The following PHIP variants were observed in gnomAD, a reference collection of about 807,000 sequenced individuals.
The protein encoded by PHIP is PH-interacting protein.
In PHIP, 54 loss-of-function variants were observed where a neutral mutation model predicts 236.8. The ratio of observed to expected loss-of-function variants is 0.23; its 90% CI spans 0.18 to 0.29. PHIP has a LOEUF of 0.29. PHIP is among the 10% of genes least tolerant of loss of function. The pLI is 1.00. For missense variants in PHIP, 1,370 were observed against 2,190.8 expected (o/e 0.63, Z 7.48); for synonymous variants, 756 against 718.9 (o/e 1.05, Z -0.83).
intron 4 of PHIP, among the ~76,000 whole-genome samples, chr6:79,072,500 G>C (rs1302712536): frequency 6.7e-6 from 1 of 148,862 alleles, no homozygotes; most frequent in Non-Finnish European, 1.5e-5. Context: ...TTCTTTTCTT[G>C]AGACAGGGTA....
At chr6:79,000,823 A>G (rs946290623) in intron 17 of PHIP, among the ~76,000 whole-genome samples, 5 of 152,072 alleles carry the variant, frequency 3.3e-5, no homozygotes. Context: ...CAAACTCCAG[A>G]TAAGTCCACT....
At chr6:78,955,140 C>A (rs774347045) in intron 34 of PHIP, 92 bp downstream of exon 34, 2 of 947,896 alleles carry the variant, frequency 2.1e-6, no homozygotes. Flanking sequence ...TACTTAATGT[C>A]TTTTAAAATG....
At chr6:79,055,173 G>C (rs149052410) in intron 6 of PHIP, among the ~76,000 whole-genome samples, 11 of 152,092 alleles carry the variant, frequency 7.2e-5, no homozygotes, top group African/African-American at 1.7e-4. Context: ...GATGACAAAT[G>C]AAAGACCTAG....
rs2127676261 is a variant in PHIP at position 78,939,791 on chromosome 6, A to G, written c.*902T>C. On this transcript the variant is annotated 3_prime_UTR_variant, in exon 40 of 40. Coordinates refer to ENST00000275034, the MANE Select transcript of PHIP (RefSeq NM_017934.7). ...TAACCACTTAAACATTTCCTCTAGA[A>G]CATCTCTGTCAAAGGACCCACCAGT... The G allele has an allele frequency of 6.6e-6, 1 of 152,444 alleles. No homozygotes were observed. Among genetic ancestry groups the G allele is most frequent in the Admixed American group, 6.5e-5 (1 of 15,274 alleles). The allele number at this position is 152,444 out of a possible 1,614,324, so 9.4% of individuals were successfully genotyped here. A position where few individuals can be genotyped will look rare whatever the true frequency, so the allele number is the denominator to read the frequency against.
At chr6:79,025,498 T>C (rs532068868) in intron 9 of PHIP, 21 bp downstream of exon 9, 2 of 1,404,322 alleles carry the variant, frequency 1.4e-6, no homozygotes, top group East Asian at 2.3e-5. Context: ...ATTTAATCTA[T>C]GAAATAAAAT....
At chr6:79,013,112 CA>C (rs148973076) in intron 15 of PHIP, among the ~76,000 whole-genome samples, 1,811 of 151,774 alleles carry the variant, frequency 0.012, 40 homozygotes, top group African/African-American at 0.042. Flanking sequence ...TAAATTGGGG[CA>C]AAGCACTTTA....
intron 6 of PHIP, among the ~76,000 whole-genome samples, chr6:79,049,763 T>C (rs1050746360): frequency 7.2e-5 from 11 of 152,162 alleles, no homozygotes; most frequent in African/African-American, 2.4e-4. Context: ...TGACTAGACA[T>C]CAGAGAGTAA....
At position 78,984,580 on chromosome 6, in the gene PHIP, G is replaced by A. The variant is rs185077311; in HGVS notation, c.2537+772C>T. 3.1e-3 allele frequency among the ~76,000 whole-genome samples: 473 copies of A among 152,250 alleles called. 2 individuals carry two copies. The highest frequency in any genetic ancestry group is 0.011 in the African/African-American group (439 of 41,546). On this transcript the variant is annotated intron_variant, in intron 22 of 39. Coordinates refer to ENST00000275034, the MANE Select transcript of PHIP (RefSeq NM_017934.7). ...TCAGGGTTTGAAATACTCTGATTCT[G>A]CTGTCGAGCCAAAAGAAATTCAATT...
intron 29 of PHIP, among the ~76,000 whole-genome samples, 182 bp downstream of exon 29, chr6:78,965,521 T>C (rs918972725): frequency 6.6e-6 from 1 of 152,228 alleles, no homozygotes; most frequent in Non-Finnish European, 1.5e-5. Flanking sequence ...GCAAGAGTTA[T>C]ATCTATCTTC....
intron 9 of PHIP, among the ~76,000 whole-genome samples, chr6:79,020,270 G>A (rs371447061): frequency 6.2e-4 from 95 of 152,080 alleles, no homozygotes; most frequent in Middle Eastern, 3.4e-3. Context: ...CTTTTTTACT[G>A]ATACAGAATG....
At chr6:79,068,766 G>A (rs1204118032) in intron 4 of PHIP, among the ~76,000 whole-genome samples, 1 of 152,154 alleles carries the variant, frequency 6.6e-6, no homozygotes, top group Non-Finnish European at 1.5e-5. Context: ...AAAAAAATTT[G>A]AGCATGTTTT....
At chr6:79,069,723 G>T (rs2127779155) in intron 4 of PHIP, among the ~76,000 whole-genome samples, 1 of 152,020 alleles carries the variant, frequency 6.6e-6, no homozygotes, top group Middle Eastern at 3.4e-3. Flanking sequence ...TCTAACCTGG[G>T]TAACTATTCT....
intron 27 of PHIP, among the ~76,000 whole-genome samples, chr6:78,967,954 G>A (rs1011931723): frequency 6.6e-6 from 1 of 151,886 alleles, no homozygotes; most frequent in Non-Finnish European, 1.5e-5. Flanking sequence ...CTAACGCGGT[G>A]AAACCCTGTC....
chr6:78,996,471 G>C (rs1435679276), intron 19 of PHIP, among the ~76,000 whole-genome samples: 1 of 151,900 alleles, frequency 6.6e-6, no homozygotes, highest in Non-Finnish European at 1.5e-5. Flanking sequence ...AATTGGTGTT[G>C]AAAAAATGGG....
chr6:78,996,133 G>C (rs1000359405), intron 19 of PHIP, among the ~76,000 whole-genome samples: 1 of 152,134 alleles, frequency 6.6e-6, no homozygotes, highest in Non-Finnish European at 1.5e-5. Context: ...CTCTCCAGAG[G>C]AGGAGTAAAT....
At chr6:78,977,499 C>T (rs1158101353) in intron 24 of PHIP, among the ~76,000 whole-genome samples, 2 of 152,112 alleles carry the variant, frequency 1.3e-5, no homozygotes, top group Non-Finnish European at 2.9e-5. Context: ...ACAATGTACA[C>T]ATGTACCCTA....
At chr6:78,978,934 G>C (rs1014341533) in intron 23 of PHIP, among the ~76,000 whole-genome samples, 1 of 152,024 alleles carries the variant, frequency 6.6e-6, no homozygotes, top group African/African-American at 2.4e-5. Context: ...AGTTCCAACA[G>C]GCAAAACTTG....
chr6:79,070,916 A>G (rs1233925153), intron 4 of PHIP, among the ~76,000 whole-genome samples: 1 of 152,180 alleles, frequency 6.6e-6, no homozygotes, highest in African/African-American at 2.4e-5. Context: ...TGACACCCGC[A>G]GATAAGGAAG....
At chr6:78,983,516 G>A (rs1768675673) in intron 22 of PHIP, among the ~76,000 whole-genome samples, 1 of 152,132 alleles carries the variant, frequency 6.6e-6, no homozygotes, top group African/African-American at 2.4e-5. Context: ...CACAGAAGGT[G>A]TCAACATTAA....
Sources: allele counts gnomAD v4.1 joint callset (sites outside exome capture counted in the v4.1 genomes callset), GRCh38; gene constraint gnomAD v4.1.1; transcripts MANE v1.5; gene names NCBI Gene and HGNC (gene_info 2026-07-23, HGNC 2026-07-21).